JAZF1: variants seen among roughly 807,000 people sequenced by gnomAD.
JAZF1 encodes juxtaposed with another zinc finger protein 1.
JAZF1 carries 8 observed loss-of-function variants against 26.4 expected under a neutral mutation model. That is an observed-to-expected ratio of 0.30 (90% CI 0.18 to 0.55). JAZF1 has a LOEUF of 0.55. Ranked by LOEUF, JAZF1 falls within the 20% of genes least tolerant of loss-of-function variation. JAZF1 has a pLI of 0.94. For missense variants in JAZF1, 199 were observed against 322.0 expected, an observed-to-expected ratio of 0.62 and a Z score of 2.92; for synonymous variants, 126 against 122.3, an observed-to-expected ratio of 1.03 and a Z score of -0.20.
In JAZF1 at chr7:28,033,286, A is replaced by G. The variant is rs770473730; in HGVS notation, c.116-41305T>C. ...TTCCAAGGAGTTAAAGAGGAAGACC[A>G]CAGATTTGGAGCCTAGTGTGTAATG... On this transcript the variant is annotated intron_variant, in intron 1 of 4. Transcript: ENST00000283928. 5.3e-5 allele frequency among the ~76,000 whole-genome samples: 8 copies of G among 152,204 alleles called. No homozygotes were observed. The South Asian group carries it at 1.7e-3, about 32-fold the overall frequency.
intron 2 of JAZF1, among the ~76,000 whole-genome samples, chr7:27,914,399 G>C (rs907805594): frequency 2.0e-5 from 3 of 152,292 alleles, no homozygotes; most frequent in Non-Finnish European, 4.4e-5. Flanking sequence ...CGTGAGGCCC[G>C]AAGCAGAAGA....
chr7:28,005,513 G>C (rs1416470005), intron 1 of JAZF1, among the ~76,000 whole-genome samples: 5 of 152,064 alleles, frequency 3.3e-5, no homozygotes, highest in Non-Finnish European at 5.9e-5. Flanking sequence ...AGTGCACATA[G>C]GTCACAGCTT....
chr7:28,136,739 T>C (rs1244649987), intron 1 of JAZF1, among the ~76,000 whole-genome samples: 1 of 152,044 alleles, frequency 6.6e-6, no homozygotes, highest in African/African-American at 2.4e-5. Context: ...ATTAAAATAC[T>C]GCATGAAGAG....
chr7:28,150,717 G>T (rs1783099752), intron 1 of JAZF1, among the ~76,000 whole-genome samples: 1 of 152,198 alleles, frequency 6.6e-6, no homozygotes, highest in South Asian at 2.1e-4. Flanking sequence ...CTCAGGTGGG[G>T]TCTGAAGGGA....
chr7:27,913,934 A>G (rs537359849), intron 2 of JAZF1, among the ~76,000 whole-genome samples: 1 of 151,914 alleles, frequency 6.6e-6, no homozygotes, highest in South Asian at 2.1e-4. Flanking sequence ...TCTTATCTGT[A>G]AATGGGGGTT....
In JAZF1 at chr7:27,979,366, A is replaced by ATTTT. The variant is rs55737757; in HGVS notation, c.188+12539_188+12542dup. 1.5e-4 allele frequency among the ~76,000 whole-genome samples: 9 copies of ATTTT among 58,434 alleles called. 1 individual carries two copies. Among genetic ancestry groups the ATTTT allele is most frequent in the East Asian group, 8.3e-4 (1 of 1,206 alleles). The allele number at this position is 58,434 out of a possible 152,430, so 38.3% of individuals were successfully genotyped here. ...TAACAGGCGTGGCCAGGTACACTACATTTTTTTTTTTTTTTTTTTTTTTTT... is the reference window on the plus strand; with the variant it reads ...TAACAGGCGTGGCCAGGTACACTACATTTTTTTTTTTTTTTTTTTTTTTTTTTTT... On this transcript the variant is annotated intron_variant, in intron 2 of 4. Transcript: ENST00000283928.
At chr7:27,961,739 GAAACATTGTCATTT>G (rs1785187915) in intron 2 of JAZF1, among the ~76,000 whole-genome samples, 1 of 152,150 alleles carries the variant, frequency 6.6e-6, no homozygotes, top group Non-Finnish European at 1.5e-5. Flanking sequence ...ATAAAACAAG[GAAACATTGTCATTT>G]AAACAGTTCC....
chr7:27,970,272 A>G (rs952462386), intron 2 of JAZF1, among the ~76,000 whole-genome samples: 10 of 152,224 alleles, frequency 6.6e-5, no homozygotes, highest in Non-Finnish European at 1.0e-4. Context: ...ATGATATCCA[A>G]GAAAAAACAA....
intron 2 of JAZF1, among the ~76,000 whole-genome samples, chr7:27,987,956 A>G (rs1328987137): frequency 6.6e-6 from 1 of 152,174 alleles, no homozygotes; most frequent in Non-Finnish European, 1.5e-5. Flanking sequence ...GGGTGGTGCA[A>G]GATGTGCTTT....
intron 1 of JAZF1, among the ~76,000 whole-genome samples, chr7:28,149,563 AG>A (rs1562603895): frequency 2.0e-5 from 3 of 152,102 alleles, no homozygotes; most frequent in Admixed American, 2.0e-4. Context: ...TGAACTTCTC[AG>A]TGTCAGAAAT....
chr7:28,103,398 T>TCG (rs1034770509), intron 1 of JAZF1, among the ~76,000 whole-genome samples: 7 of 152,044 alleles, frequency 4.6e-5, no homozygotes, highest in African/African-American at 1.7e-4. Context: ...TGTACTATGA[T>TCG]CGCGCCTCTG....
chr7:28,163,756 C>T (rs1393485498), intron 1 of JAZF1, among the ~76,000 whole-genome samples: 1 of 152,158 alleles, frequency 6.6e-6, no homozygotes, highest in Non-Finnish European at 1.5e-5. Context: ...TCTGGGATGT[C>T]GTAGGGACAG....
chr7:28,077,986 G>T (rs1784079829), intron 1 of JAZF1, among the ~76,000 whole-genome samples: 1 of 152,218 alleles, frequency 6.6e-6, no homozygotes, highest in Non-Finnish European at 1.5e-5. Context: ...AGACTGCAAT[G>T]ATGGCTGTGC....
chr7:28,111,757 A>G (rs745421050), intron 1 of JAZF1, among the ~76,000 whole-genome samples: 19 of 152,132 alleles, frequency 1.2e-4, no homozygotes, highest in Admixed American at 6.5e-5. Context: ...CCTTCAGGAG[A>G]CTTCCCAGGG....
chr7:28,158,164 CACAA>C (rs1311961984), intron 1 of JAZF1, among the ~76,000 whole-genome samples: 58 of 97,904 alleles, frequency 5.9e-4, no homozygotes, highest in African/African-American at 2.1e-3. Context: ...CACACACACA[CACAA>C]ACACACACAC....
At chr7:27,857,319 G>A (rs149243629) in intron 3 of JAZF1, among the ~76,000 whole-genome samples, 1,861 of 152,302 alleles carry the variant, frequency 0.012, 33 homozygotes, top group African/African-American at 0.039. Context: ...GGGGACCGCC[G>A]AGCCCACGCC....
intron 1 of JAZF1, among the ~76,000 whole-genome samples, chr7:28,151,364 C>T (rs1783109815): frequency 6.6e-6 from 1 of 151,934 alleles, no homozygotes; most frequent in African/African-American, 2.4e-5. Context: ...CTTGGCCTCC[C>T]AAAGTGCTGG....
At chr7:28,017,630 C>G (rs915383039) in intron 1 of JAZF1, among the ~76,000 whole-genome samples, 1 of 152,234 alleles carries the variant, frequency 6.6e-6, no homozygotes, top group Non-Finnish European at 1.5e-5. Context: ...CATCTATTTT[C>G]CAGCAGCCAT....
rs1450761167 is a variant in JAZF1, at chr7:28,169,387, C to A, written c.115+11076G>T. ...AACCACTTTGAGTTGATGCCAAACT[C>A]CAGATGTCTAGTGTCAGAAAGATCT... On this transcript the variant is annotated intron_variant, in intron 1 of 4. Coordinates refer to ENST00000283928, the MANE Select transcript of JAZF1 (RefSeq NM_175061.4). 3.3e-5 allele frequency among the ~76,000 whole-genome samples: 5 copies of A among 152,310 alleles called. No homozygotes were observed. In the East Asian group the frequency reaches 9.7e-4, roughly 29 times the overall value.
Sources: gnomAD v4.1 joint callset for allele counts (sites outside exome capture counted in the v4.1 genomes callset) on GRCh38, gnomAD v4.1.1 for gene constraint, MANE v1.5 for transcripts, NCBI Gene and HGNC (gene_info 2026-07-23, HGNC 2026-07-21) for gene names.